RARB: variants seen among roughly 807,000 people sequenced by gnomAD.
The protein encoded by RARB is retinoic acid receptor beta.
RARB carries 17 observed loss-of-function variants against 51.9 expected under a neutral mutation model. The ratio of observed to expected loss-of-function variants is 0.33; its 90% CI spans 0.22 to 0.49. The LOEUF is 0.49. RARB is among the 20% of genes least tolerant of loss of function. The pLI is 0.99. For missense variants in RARB, 369 were observed against 550.8 expected (o/e 0.67, Z 3.30); for synonymous variants, 215 against 195.4 (o/e 1.10, Z -0.84).
At chr3:25,431,480 G>A (rs920790671) in intron 1 of RARB, among the ~76,000 whole-genome samples, 1 of 152,144 alleles carries the variant, frequency 6.6e-6, no homozygotes, top group African/African-American at 2.4e-5. Context: ...ACTACTAAGG[G>A]AATGTGGTCT....
intron 5 of RARB, among the ~76,000 whole-genome samples, chr3:25,390,595 T>C (rs1022146718): frequency 1.3e-5 from 2 of 151,816 alleles, no homozygotes; most frequent in African/African-American, 4.8e-5. Context: ...CTTCAAAAAA[T>C]AATAGTACAG....
At chr3:25,536,382 A>T (rs1161111766) in intron 3 of RARB, among the ~76,000 whole-genome samples, 1 of 150,568 alleles carries the variant, frequency 6.6e-6, no homozygotes, top group Non-Finnish European at 1.5e-5. Context: ...ATGCCTCAGA[A>T]GACTTAGCAG....
At chr3:24,843,570 A>G (rs769201140) in intron 1 of RARB, among the ~76,000 whole-genome samples, 2 of 152,180 alleles carry the variant, frequency 1.3e-5, no homozygotes, top group Non-Finnish European at 2.9e-5. Context: ...AATCCAATAT[A>G]TATCTCCTGC....
intron 5 of RARB, among the ~76,000 whole-genome samples, chr3:25,247,364 G>A (rs1181392054): frequency 6.6e-6 from 1 of 152,172 alleles, no homozygotes; most frequent in Admixed American, 6.5e-5. Context: ...GTGCCACTGG[G>A]ATACAAACAA....
intron 4 of RARB, among the ~76,000 whole-genome samples, chr3:25,166,879 C>T (rs1700569274): frequency 2.6e-5 from 4 of 152,198 alleles, no homozygotes; most frequent in African/African-American, 7.2e-5. Flanking sequence ...ACATTATCCA[C>T]TACATTTGCA....
intron 2 of RARB, among the ~76,000 whole-genome samples, chr3:25,030,751 C>T (rs1245261091): frequency 6.6e-6 from 1 of 152,144 alleles, no homozygotes; most frequent in Non-Finnish European, 1.5e-5. Flanking sequence ...TTACTTGTGT[C>T]ATGTTCGGGT....
At chr3:25,429,698 T>C (rs898432300) in intron 1 of RARB, among the ~76,000 whole-genome samples, 4 of 152,226 alleles carry the variant, frequency 2.6e-5, no homozygotes, top group East Asian at 1.9e-4. Flanking sequence ...TGTTATCTGA[T>C]GCTGACACAG....
chr3:25,188,371 C>A (rs1293196489), intron 5 of RARB, among the ~76,000 whole-genome samples: 4 of 151,982 alleles, frequency 2.6e-5, no homozygotes, highest in African/African-American at 7.2e-5. Flanking sequence ...AAAAGGGAGA[C>A]CTTTTATTGG....
intron 4 of RARB, among the ~76,000 whole-genome samples, chr3:25,172,598 C>T (rs987762108): frequency 3.9e-5 from 6 of 152,162 alleles, no homozygotes; most frequent in African/African-American, 7.2e-5. Context: ...CCAGATCCCT[C>T]GTTTTCTTCC....
At chr3:25,038,066 A>T (rs1306892524) in intron 2 of RARB, among the ~76,000 whole-genome samples, 2 of 152,148 alleles carry the variant, frequency 1.3e-5, no homozygotes, top group Non-Finnish European at 2.9e-5. Flanking sequence ...CTCCAATATC[A>T]CTTAGCTATT....
intron 2 of RARB, among the ~76,000 whole-genome samples, chr3:25,493,996 T>C (rs927677335): frequency 2.0e-5 from 3 of 152,220 alleles, no homozygotes; most frequent in Non-Finnish European, 4.4e-5. Flanking sequence ...ATTCTTGGGC[T>C]ACATTCCTGC....
intron 5 of RARB, among the ~76,000 whole-genome samples, chr3:25,306,847 T>G (rs1189104517): frequency 2.0e-5 from 3 of 152,210 alleles, no homozygotes; most frequent in African/African-American, 7.2e-5. Context: ...TTCTCTTACT[T>G]CAAATCAGAA....
chr3:25,394,503 G>T (rs922020751), intron 5 of RARB, among the ~76,000 whole-genome samples: 4 of 152,114 alleles, frequency 2.6e-5, no homozygotes, highest in Non-Finnish European at 5.9e-5. Context: ...GAGTACTGAA[G>T]TCCCCCAACT....
At chr3:25,324,353 G>A (rs1005272486) in intron 5 of RARB, 14 of 163,490 alleles carry the variant, frequency 8.6e-5, no homozygotes, top group Admixed American at 6.5e-5. Flanking sequence ...CAGCCAGACT[G>A]TCAGTGGCCT....
chr3:25,286,624 G>A (rs990421412), intron 5 of RARB, among the ~76,000 whole-genome samples: 1 of 152,024 alleles, frequency 6.6e-6, no homozygotes, highest in African/African-American at 2.4e-5. Context: ...CCTCCATTCA[G>A]GCCCTTTGGA....
chr3:25,120,527 A>ATCTCTCTCTCTCTCTCTCTCTC lies in RARB; in HGVS notation c.-327-11619_-327-11598dup, dbSNP rs138649959. On this transcript the variant is annotated intron_variant, in intron 3 of 11. Transcript: ENST00000383772. ...AAGAAATATAAATATATATATAAAA[A>ATCTCTCTCTCTCTCTCTCTCTC]TCTCTCTCTCTCTCTCTCTCTCTCT... is the stretch of plus-strand genomic sequence containing the variant. Among the ~76,000 whole-genome samples, 198 of 136,130 alleles carry ATCTCTCTCTCTCTCTCTCTCTC rather than the reference A, an allele frequency of 1.5e-3. 6 individuals are homozygous for ATCTCTCTCTCTCTCTCTCTCTC. The highest frequency in any genetic ancestry group is 5.1e-3 in the African/African-American group (182 of 35,622). The allele number at this position is 136,130 out of a possible 152,430, so 89.3% of individuals were successfully genotyped here.
At chr3:25,552,730 A>C (rs909985051) in intron 3 of RARB, among the ~76,000 whole-genome samples, 3 of 116,976 alleles carry the variant, frequency 2.6e-5, no homozygotes, top group African/African-American at 1.3e-4. Flanking sequence ...AAGGTAATGA[A>C]AGAAAGAATT....
chr3:24,933,297 A>G (rs1010165153), intron 2 of RARB, among the ~76,000 whole-genome samples: 1 of 151,814 alleles, frequency 6.6e-6, no homozygotes, highest in South Asian at 2.1e-4. Context: ...TTTTTTACAG[A>G]TCTTCATGAA....
chr3:25,206,501 A>C (rs907696942), intron 5 of RARB, among the ~76,000 whole-genome samples: 2 of 152,186 alleles, frequency 1.3e-5, no homozygotes, highest in African/African-American at 4.8e-5. Flanking sequence ...ACTCAGATCT[A>C]CTAAGTATGT....
Sources: allele counts gnomAD v4.1 joint callset (sites outside exome capture counted in the v4.1 genomes callset), GRCh38; gene constraint gnomAD v4.1.1; transcripts MANE v1.5; gene names NCBI Gene and HGNC (gene_info 2026-07-23, HGNC 2026-07-21).